The following UTRN variants were observed in gnomAD, a reference collection of about 807,000 sequenced individuals.
The protein encoded by UTRN is dystrophin-related protein 1.
In UTRN, 283 loss-of-function variants were observed where a neutral mutation model predicts 463.9. The ratio of observed to expected loss-of-function variants is 0.61; its 90% CI spans 0.55 to 0.67. The LOEUF (loss-of-function observed/expected upper bound fraction) is 0.67, where lower values mean the gene tolerates loss of function less well. Among genes scored for constraint, UTRN ranks in the 30% least tolerant of loss-of-function variants. The pLI is 0.00. For synonymous variants in UTRN, 1,442 were observed against 1,431.5 expected (o/e 1.01, Z -0.17); for missense variants, 3,922 against 4,084.3 (o/e 0.96, Z 1.08).
chr6:144,816,749 A>T (rs34540752), intron 65 of UTRN, among the ~76,000 whole-genome samples: 68,255 of 134,326 alleles, frequency 0.51, 18,529 homozygotes, highest in East Asian at 0.88. Flanking sequence ...TTTTTTTTTT[A>T]AATTTTTTTT....
In UTRN at chr6:144,335,139, A is replaced by C. The variant is rs113259122; in HGVS notation, c.79+43232A>C. 6.9e-3 allele frequency among the ~76,000 whole-genome samples: 1,051 copies of C among 152,328 alleles called. 7 individuals carry two copies. The highest frequency in any genetic ancestry group is 0.012 in the Non-Finnish European group (806 of 68,026). On this transcript the variant is annotated intron_variant, in intron 2 of 74. Transcript: ENST00000367545. The stretch of plus-strand genomic sequence containing the variant: ...GTTTAATTTATTTATACTTTTATAG[A>C]TAGACAGATTTACTACTGGACATTC...
At chr6:144,390,352 A>G (rs1310545454) in intron 2 of UTRN, among the ~76,000 whole-genome samples, 3 of 152,196 alleles carry the variant, frequency 2.0e-5, no homozygotes, top group East Asian at 3.9e-4. Context: ...GGCAATTCTA[A>G]TAAGCCTCAA....
chr6:144,344,359 C>T lies in UTRN; in HGVS notation c.79+52452C>T, dbSNP rs1777396860. On this transcript the variant is annotated intron_variant, in intron 2 of 74. Coordinates refer to ENST00000367545, the MANE Select transcript of UTRN (RefSeq NM_007124.3). ...CCAGTGAGGTTTTCTTAAGAAACGT[C>T]TATGAAGACAGGGTTCTTTCATTCA... 3.1e-6 allele frequency: 4 copies of T among 1,302,616 alleles called. No homozygotes were observed. In the South Asian group the frequency reaches 4.9e-5, roughly 16 times the overall value. 80.7% of individuals were successfully genotyped at this position (1,302,616 alleles called of 1,614,324 possible).
chr6:144,615,244 C>T (rs544148424), intron 51 of UTRN, among the ~76,000 whole-genome samples: 10 of 152,200 alleles, frequency 6.6e-5, no homozygotes, highest in South Asian at 4.1e-4. Flanking sequence ...TTCTCAATGG[C>T]GCAGCTTCCT....
intron 74 of UTRN, among the ~76,000 whole-genome samples, chr6:144,850,016 C>T (rs1782351056): frequency 1.3e-5 from 2 of 152,226 alleles, no homozygotes; most frequent in Admixed American, 1.3e-4. Context: ...ATCTTCCACA[C>T]CTGCTTCACA....
intron 58 of UTRN, among the ~76,000 whole-genome samples, chr6:144,758,747 GAT>G (rs1042211331): frequency 9.9e-5 from 15 of 152,158 alleles, no homozygotes; most frequent in African/African-American, 3.4e-4. Flanking sequence ...ACTTAGTAAA[GAT>G]ATTAATTTAC....
intron 10 of UTRN, 35 bp from the exon 11 acceptor site, chr6:144,437,530 A>G: frequency 6.5e-7 from 1 of 1,529,820 alleles, no homozygotes; most frequent in Non-Finnish European, 8.8e-7. Context: ...TTTTGCACTG[A>G]GTAGCTCACA....
intron 58 of UTRN, among the ~76,000 whole-genome samples, chr6:144,770,063 G>A (rs1355521487): frequency 6.6e-6 from 1 of 152,170 alleles, no homozygotes; most frequent in African/African-American, 2.4e-5. Context: ...TTTTGTTGGT[G>A]TTCAGTAGTG....
chr6:144,421,890 C>T lies in UTRN; in HGVS notation c.154C>T (p.Pro52Ser). Reference protein sequence around the residue: ...NARFSKSGKPPINDMFTDLKD... With the variant: ...NARFSKSGKPSINDMFTDLKD... ...TTTTCTTTTACAGAGTGGGAAACCA[C>T]CCATCAATGATATGTTCACAGACCT... Residue 52 changes from proline to serine, a missense_variant, in exon 4 of 75, where the codon CCC becomes TCC. By Grantham distance (74) the Pro-to-Ser change is moderately conservative (BLOSUM62 -1). Around this residue, in one of 3 missense-constraint regions of UTRN, gnomAD observed 264 missense variants for 327.9 expected, o/e 0.81. Transcript: ENST00000367545. The T allele has an allele frequency of 6.2e-7, 1 of 1,611,546 alleles. No homozygotes were observed. The highest frequency in any genetic ancestry group is 8.5e-7 in the Non-Finnish European group (1 of 1,178,858).
intron 2 of UTRN, among the ~76,000 whole-genome samples, chr6:144,401,110 C>A (rs1230190008): frequency 6.6e-6 from 1 of 152,040 alleles, no homozygotes; most frequent in East Asian, 1.9e-4. Context: ...AGAATTTTTT[C>A]CATTTTTATG....
chr6:144,736,313 G>A (rs1258308103), intron 54 of UTRN, among the ~76,000 whole-genome samples: 1 of 152,048 alleles, frequency 6.6e-6, no homozygotes, highest in Admixed American at 6.6e-5. Context: ...ATTTTTTTCG[G>A]TTCTATTTAA....
intron 65 of UTRN, among the ~76,000 whole-genome samples, chr6:144,815,925 C>A (rs1408377343): frequency 2.0e-5 from 3 of 152,192 alleles, no homozygotes; most frequent in Non-Finnish European, 4.4e-5. Flanking sequence ...TAGAATGACA[C>A]CATTTTGCAA....
In UTRN at chr6:144,458,877, G is replaced by A; in HGVS notation, c.2392G>A (p.Glu798Lys). 1 of 1,613,914 alleles carries A rather than the reference G, an allele frequency of 6.2e-7. No homozygotes were observed. The highest frequency in any genetic ancestry group is 8.5e-7 in the Non-Finnish European group (1 of 1,179,966). ...EDLERKIQLQEDINAYFKQLD... is the reference protein window; with the variant it reads ...EDLERKIQLQKDINAYFKQLD... ...TCTAGAAAGAAAGATTCAGCTACAG[G>A]AAGATATAAATGCTTATTTCAAGCA... The change falls in exon 20 of 75, where the codon GAA becomes AAA. Residue 798 changes from glutamate (E) to lysine (K), a missense_variant. Transcript: ENST00000367545.
chr6:144,539,021 T>C (rs1797777839), intron 44 of UTRN, among the ~76,000 whole-genome samples: 1 of 152,122 alleles, frequency 6.6e-6, no homozygotes, highest in African/African-American at 2.4e-5. Context: ...AAATTAGCAG[T>C]GTAAAAATAA....
chr6:144,448,688 C>A lies in UTRN; in HGVS notation c.1991C>A (p.Thr664Lys). 1.2e-6 allele frequency: 2 copies of A among 1,613,750 alleles called. No individual in the cohort carries two copies. The highest frequency in any genetic ancestry group is 8.5e-7 in the Non-Finnish European group (1 of 1,179,880). Residue 664 changes from threonine (T) to lysine (K), a missense_variant, in exon 17 of 75, where the codon ACA becomes AAA. By Grantham distance (78) the Thr-to-Lys change is moderately conservative. This residue lies in a region of UTRN where 2,349 missense variants were observed against 2,303.8 expected (regional missense o/e 1.02). Coordinates refer to ENST00000367545, the MANE Select transcript of UTRN (RefSeq NM_007124.3). ...GTTCGTGTAAGAGAACAAGCAATTA[C>A]AAAAAAATCTAAGCAGGAACTGCCT... The part of the protein sequence containing the change: ...ETVRVREQAI[T>K]KKSKQELPPP...
At chr6:144,537,792 C>A in intron 44 of UTRN, 75 bp downstream of exon 44, 1 of 1,519,828 alleles carries the variant, frequency 6.6e-7, no homozygotes. Flanking sequence ...CTGCGTGTCT[C>A]AAGAAGAAAA....
chr6:144,539,156 C>A, intron 44 of UTRN, 138 bp from the exon 45 acceptor site: 1 of 984,084 alleles, frequency 1.0e-6, no homozygotes, highest in Non-Finnish European at 1.4e-6. Flanking sequence ...TGAGCTTAAG[C>A]TTCTTATAAG....
chr6:144,745,736 A>G (rs1036108970), intron 54 of UTRN, among the ~76,000 whole-genome samples: 1 of 152,208 alleles, frequency 6.6e-6, no homozygotes, highest in Non-Finnish European at 1.5e-5. Context: ...GTCTGACAGA[A>G]TGAGTTTTTA....
At position 144,812,479 on chromosome 6, in the gene UTRN, G is replaced by A. The variant is rs535078944; in HGVS notation, c.9358-8403G>A. On this transcript the variant is annotated intron_variant, in intron 65 of 74. Transcript: ENST00000367545. ...GTATTAATGCTTTTGAAGTTCAGTAGTGCATAGATTTCAGCATAAAGTAAG... is the reference window on the plus strand; with the variant it reads ...GTATTAATGCTTTTGAAGTTCAGTAATGCATAGATTTCAGCATAAAGTAAG... Among the ~76,000 whole-genome samples, 12 of 152,208 alleles carry A rather than the reference G, an allele frequency of 7.9e-5. No individual in the cohort carries two copies. In the South Asian group the frequency reaches 1.7e-3, roughly 21 times the overall value.
Sources: allele counts gnomAD v4.1 joint callset (sites outside exome capture counted in the v4.1 genomes callset), GRCh38; gene constraint gnomAD v4.1.1; regional missense constraint gnomAD v4.1.1; transcripts MANE v1.5; gene names NCBI Gene and HGNC (gene_info 2026-07-23, HGNC 2026-07-21).